Variants in TMEM161B observed in about 807,000 individuals in gnomAD.
TMEM161B encodes transmembrane protein 161B.
A neutral mutation model predicts 61.8 loss-of-function variants in TMEM161B; 34 were observed. The ratio of observed to expected loss-of-function variants is 0.55; its 90% CI spans 0.42 to 0.73. The LOEUF (loss-of-function observed/expected upper bound fraction) is 0.73. TMEM161B is among the 30% of genes least tolerant of loss of function. The pLI is 0.00. For missense variants in TMEM161B, 456 were observed against 558.5 expected (o/e 0.82, Z 1.85); for synonymous variants, 167 against 192.8 (o/e 0.87, Z 1.11).
intron 5 of TMEM161B, among the ~76,000 whole-genome samples, chr5:88,218,810 ATTAAT>A (rs1748392620): frequency 6.6e-6 from 1 of 152,262 alleles, no homozygotes; most frequent in African/African-American, 2.4e-5. Flanking sequence ...CAAAGGAAAA[ATTAAT>A]TCTTAGGGTA....
intron 9 of TMEM161B, chr5:88,201,970 A>G: frequency 5.8e-6 from 2 of 345,170 alleles, no homozygotes; most frequent in Non-Finnish European, 1.2e-5. Flanking sequence ...TGCGGAGTCA[A>G]TGACTAGTCA....
At chr5:88,205,328 G>A (rs1196602662) in intron 8 of TMEM161B, among the ~76,000 whole-genome samples, 1 of 152,078 alleles carries the variant, frequency 6.6e-6, no homozygotes, top group East Asian at 1.9e-4. Context: ...ATTTTAATAA[G>A]AGTCTAATAA....
chr5:88,242,282 T>G (rs779673297), intron 1 of TMEM161B, among the ~76,000 whole-genome samples: 1 of 151,744 alleles, frequency 6.6e-6, no homozygotes. Flanking sequence ...TAAAGGAAGA[T>G]TCACTCCATC....
At chr5:88,199,686 C>T (rs566313864) in intron 9 of TMEM161B, 2 of 152,254 alleles carry the variant, frequency 1.3e-5, no homozygotes, top group South Asian at 4.1e-4. Context: ...ACTTGCTATG[C>T]GTTGAAGCTG....
At chr5:88,245,948 A>G (rs1753553465) in intron 1 of TMEM161B, among the ~76,000 whole-genome samples, 1 of 151,976 alleles carries the variant, frequency 6.6e-6, no homozygotes, top group African/African-American at 2.4e-5. Flanking sequence ...AGTACCCAGA[A>G]GAGAAATACA....
chr5:88,185,813 A>G (rs1391222652), downstream of TMEM161B, among the ~76,000 whole-genome samples: 2 of 152,170 alleles, frequency 1.3e-5, no homozygotes, highest in Non-Finnish European at 2.9e-5. Flanking sequence ...AGAAACCTGG[A>G]AAAAAATGAA....
intron 9 of TMEM161B, chr5:88,202,007 G>A (rs1191440409): frequency 5.0e-6 from 2 of 396,200 alleles, no homozygotes; most frequent in Non-Finnish European, 1.0e-5. Context: ...TTCTGATGAG[G>A]CAAAGCAGTG....
chr5:88,221,629 T>C (rs372548210), intron 4 of TMEM161B: 6 of 451,030 alleles, frequency 1.3e-5, no homozygotes, highest in East Asian at 7.0e-5. Flanking sequence ...CTTAAGAGTT[T>C]ACATTGAAAT....
chr5:88,263,684 T>C (rs945758142), intron 1 of TMEM161B, among the ~76,000 whole-genome samples: 2 of 152,328 alleles, frequency 1.3e-5, no homozygotes, highest in African/African-American at 4.8e-5. Flanking sequence ...ATGAACACTT[T>C]AGAATATCTT....
At chr5:88,242,988 TA>T (rs1272060484) in intron 1 of TMEM161B, among the ~76,000 whole-genome samples, 1 of 151,708 alleles carries the variant, frequency 6.6e-6, no homozygotes, top group African/African-American at 2.4e-5. Flanking sequence ...AATTAATTAG[TA>T]AAAGATCAAT....
chr5:88,247,920 TTACAA>T (rs1208618465), intron 1 of TMEM161B, among the ~76,000 whole-genome samples: 1 of 152,084 alleles, frequency 6.6e-6, no homozygotes, highest in Non-Finnish European at 1.5e-5. Flanking sequence ...AAAGCACACA[TTACAA>T]TACAATTGTA....
At chr5:88,251,272 A>C (rs964639310) in intron 1 of TMEM161B, among the ~76,000 whole-genome samples, 2 of 152,086 alleles carry the variant, frequency 1.3e-5, no homozygotes, top group Non-Finnish European at 2.9e-5. Context: ...TCTCAAAAAA[A>C]CCAATCTTAG....
chr5:88,226,992 TGTTGCATGCATCTG>T (rs1199171393), intron 3 of TMEM161B, among the ~76,000 whole-genome samples: 2 of 152,018 alleles, frequency 1.3e-5, no homozygotes, highest in African/African-American at 4.8e-5. Context: ...CTGGGTATGG[TGTTGCATGCATCTG>T]GTCCCAGCTA....
In TMEM161B at chr5:88,212,655, C is replaced by T. The variant is rs532890592; in HGVS notation, c.447-5475G>A. 6.5e-3 allele frequency among the ~76,000 whole-genome samples: 982 copies of T among 152,234 alleles called. 4 individuals are homozygous for T. The highest frequency in any genetic ancestry group is 9.2e-3 in the Non-Finnish European group (624 of 68,008). On this transcript the variant is annotated intron_variant, in intron 5 of 11. Transcript: ENST00000296595. ...CCAGCCTGGGCAACATGGTGAAACACCATCTCTACCAAAAATACAAAAAAT... is the reference window on the plus strand; with the variant it reads ...CCAGCCTGGGCAACATGGTGAAACATCATCTCTACCAAAAATACAAAAAAT...
intron 1 of TMEM161B, 109 bp downstream of exon 1, chr5:88,268,612 C>G (rs553605823): frequency 6.6e-7 from 1 of 1,508,634 alleles, no homozygotes; most frequent in Admixed American, 1.7e-5. Flanking sequence ...CTCATCCCAA[C>G]GTCTCAACTC....
intron 1 of TMEM161B, among the ~76,000 whole-genome samples, chr5:88,268,298 G>A (rs1756677184): frequency 6.6e-6 from 1 of 152,100 alleles, no homozygotes; most frequent in Admixed American, 6.5e-5. Context: ...TATACAAGGA[G>A]ACCCGTTGTG....
intron 8 of TMEM161B, among the ~76,000 whole-genome samples, chr5:88,205,109 T>C (rs1207251291): frequency 6.6e-6 from 1 of 152,196 alleles, no homozygotes; most frequent in Non-Finnish European, 1.5e-5. Flanking sequence ...GATATAAGCC[T>C]ATCTTTCTGC....
chr5:88,196,353 A>G lies in TMEM161B; in HGVS notation c.1322T>C (p.Val441Ala), dbSNP rs748222050. Residue 441 changes from valine to alanine, a missense_variant, in exon 12 of 12, where the codon GTG becomes GCG. Around this residue, in one of 3 missense-constraint regions of TMEM161B, gnomAD observed 367 missense variants for 427.3 expected, o/e 0.86. Coordinates refer to ENST00000296595, the MANE Select transcript of TMEM161B (RefSeq NM_153354.5). ...AATATTTTTTAAGCTGCTCAGTGCC[A>G]CTGTTATTTGTGTAACAGTTACCTT... is the stretch of plus-strand genomic sequence containing the variant. The part of the protein sequence containing the change: ...KMKVTVTQIT[V>A]ALSSLKNIFT... The G allele has an allele frequency of 4.3e-6, 7 of 1,613,346 alleles. No homozygotes were observed. The highest frequency in any genetic ancestry group is 5.9e-6 in the Non-Finnish European group (7 of 1,179,594).
chr5:88,262,040 T>C lies in TMEM161B; in HGVS notation c.3+6681A>G, dbSNP rs901037102. ...CAAAAGACATATCTGATAAGGATTGTTATACAAAATATAACAAACTCTTAA... is the reference window on the plus strand; with the variant it reads ...CAAAAGACATATCTGATAAGGATTGCTATACAAAATATAACAAACTCTTAA... On this transcript the variant is annotated intron_variant, in intron 1 of 11. Transcript: ENST00000296595. Among the ~76,000 whole-genome samples, 5 of 152,234 alleles carry C rather than the reference T, an allele frequency of 3.3e-5. No homozygotes were observed. The East Asian group carries it at 9.6e-4, about 29-fold the overall frequency.
Sources: gnomAD v4.1 joint callset for allele counts (sites outside exome capture counted in the v4.1 genomes callset) on GRCh38, gnomAD v4.1.1 for gene constraint, gnomAD v4.1.1 regional missense constraint, MANE v1.5 for transcripts, NCBI Gene and HGNC (gene_info 2026-07-23, HGNC 2026-07-21) for gene names.